The following ADGB variants were observed in gnomAD, a reference collection of about 807,000 sequenced individuals.
ADGB encodes androglobin, also known as calpain-7-like protein.
ADGB carries 172 observed loss-of-function variants against 210.5 expected under a neutral mutation model. That is an observed-to-expected ratio of 0.82 (90% confidence interval 0.72 to 0.93). The LOEUF (loss-of-function observed/expected upper bound fraction) is 0.93. Ranked by LOEUF, ADGB falls within the 40% of genes least tolerant of loss-of-function variation. ADGB has a pLI of 0.00. For missense variants in ADGB, 2,025 were observed against 1,964.8 expected (o/e 1.03, Z -0.58); for synonymous variants, 658 against 662.7 (o/e 0.99, Z 0.11).
intron 20 of ADGB, among the ~76,000 whole-genome samples, chr6:146,730,007 A>G (rs1456391767): frequency 6.6e-6 from 1 of 152,220 alleles, no homozygotes; most frequent in East Asian, 1.9e-4. Flanking sequence ...AGGGAGGGGT[A>G]GCATTGCCAG....
intron 6 of ADGB, among the ~76,000 whole-genome samples, chr6:146,665,460 A>T (rs1775925866): frequency 6.6e-6 from 1 of 152,042 alleles, no homozygotes; most frequent in Non-Finnish European, 1.5e-5. Context: ...AGCACTAAGT[A>T]TTCATACCGG....
chr6:146,694,469 T>G (rs1329152828), intron 12 of ADGB, among the ~76,000 whole-genome samples: 1 of 152,118 alleles, frequency 6.6e-6, no homozygotes. Context: ...AGGCCTCACC[T>G]CTTAATACCA....
intron 12 of ADGB, among the ~76,000 whole-genome samples, chr6:146,694,280 T>C (rs956937879): frequency 1.1e-4 from 16 of 152,160 alleles, no homozygotes; most frequent in African/African-American, 3.6e-4. Flanking sequence ...CTCATACTTC[T>C]AGAGGCTGGG....
chr6:146,652,394 G>T (rs986580514), intron 3 of ADGB, among the ~76,000 whole-genome samples: 2 of 152,092 alleles, frequency 1.3e-5, no homozygotes, highest in Non-Finnish European at 2.9e-5. Context: ...AGCCTTTAAG[G>T]TAGTTTTAGG....
intron 19 of ADGB, among the ~76,000 whole-genome samples, 195 bp from the exon 20 acceptor site, chr6:146,728,379 C>T (rs1287148950): frequency 6.6e-6 from 1 of 152,268 alleles, no homozygotes; most frequent in East Asian, 1.9e-4. Context: ...CTACAGGTTC[C>T]CACTCAGGTA....
chr6:146,709,941 T>C (rs1776636042), intron 13 of ADGB, among the ~76,000 whole-genome samples: 1 of 152,122 alleles, frequency 6.6e-6, no homozygotes, highest in African/African-American at 2.4e-5. Flanking sequence ...ATTTTTCAAA[T>C]TGATGTTTTT....
intron 28 of ADGB, among the ~76,000 whole-genome samples, 159 bp from the exon 29 acceptor site, chr6:146,768,861 C>G (rs941426949): frequency 6.6e-6 from 1 of 152,060 alleles, no homozygotes; most frequent in African/African-American, 2.4e-5. Context: ...TAAAGTGTAG[C>G]GTTACAGAGT....
intron 1 of ADGB, among the ~76,000 whole-genome samples, chr6:146,612,463 G>C (rs1780725686): frequency 6.6e-6 from 1 of 152,078 alleles, no homozygotes; most frequent in Non-Finnish European, 1.5e-5. Flanking sequence ...CTTAACTCCA[G>C]AGATCAGTCA....
intron 1 of ADGB, among the ~76,000 whole-genome samples, chr6:146,607,898 G>A (rs1562253663): frequency 2.0e-5 from 3 of 152,114 alleles, no homozygotes; most frequent in African/African-American, 7.2e-5. Flanking sequence ...TTTGGTATCA[G>A]AATGATGCTG....
chr6:146,696,915 T>C (rs1776412421), intron 12 of ADGB, among the ~76,000 whole-genome samples: 1 of 152,196 alleles, frequency 6.6e-6, no homozygotes, highest in Non-Finnish European at 1.5e-5. Context: ...CAGATTTGGC[T>C]ACTGTTTTAG....
At chr6:146,789,370 A>C (rs979776048) in intron 33 of ADGB, among the ~76,000 whole-genome samples, 1 of 152,182 alleles carries the variant, frequency 6.6e-6, no homozygotes, top group Non-Finnish European at 1.5e-5. Context: ...AACCTGGATC[A>C]ATAGTATAAT....
At chr6:146,785,559 G>A (rs1386526589) in intron 31 of ADGB, 51 bp from the exon 32 acceptor site, 15 of 1,421,570 alleles carry the variant, frequency 1.1e-5, no homozygotes, top group African/African-American at 1.4e-5. Context: ...TACCTGTACT[G>A]GTTGTTGCTT....
chr6:146,703,163 C>A (rs1445836884), intron 13 of ADGB, among the ~76,000 whole-genome samples: 3 of 151,626 alleles, frequency 2.0e-5, no homozygotes, highest in Non-Finnish European at 4.4e-5. Context: ...CATAGATGTT[C>A]TTTGTGAAAT....
At position 146,623,625 on chromosome 6, in the gene ADGB, T is replaced by A. The variant is rs545343559; in HGVS notation, c.75-11750T>A. Among the ~76,000 whole-genome samples, 9 of 152,042 alleles carry A rather than the reference T, an allele frequency of 5.9e-5. No individual in the cohort carries two copies. The East Asian group carries it at 1.2e-3, about 20-fold the overall frequency. ...TAGATTTTCTACATAGTTACAATCA[T>A]GTCATCTGCAAATGAGAATGTATAT... On this transcript the variant is annotated intron_variant, in intron 1 of 35. Transcript: ENST00000397944.
chr6:146,607,573 GC>G (rs1341391853), intron 1 of ADGB, among the ~76,000 whole-genome samples: 1 of 151,920 alleles, frequency 6.6e-6, no homozygotes, highest in Admixed American at 6.6e-5. Flanking sequence ...TTCCTTAAAT[GC>G]CTAGTTTGTT....
At chr6:146,746,426 T>G (rs73583010) in intron 26 of ADGB, among the ~76,000 whole-genome samples, 9,465 of 152,118 alleles carry the variant, frequency 0.062, 993 homozygotes, top group African/African-American at 0.21. Context: ...TTTGTGGGGG[T>G]TTAATCAACC....
At chr6:146,646,849 G>A (rs904456006) in intron 3 of ADGB, among the ~76,000 whole-genome samples, 2 of 152,104 alleles carry the variant, frequency 1.3e-5, no homozygotes, top group African/African-American at 2.4e-5. Flanking sequence ...AGCACTTTGA[G>A]AGGCTGTGGC....
Position 146,656,946 on chromosome 6 carries a change from G to C in ADGB, c.578G>C (p.Ser193Thr), listed in dbSNP as rs1036619429. The C allele has an allele frequency of 3.2e-6, 5 of 1,551,386 alleles. No individual in the cohort carries two copies. In the Admixed American group the frequency reaches 9.8e-5, roughly 30 times the overall value. ...AAGGGTCATATGCCTTTGTTCAATA[G>C]CTATGGAAAGTATGTTGTGAAACTT... ...AVKGHMPLFN[S>T]YGKYVVKLYW... is the part of the protein sequence containing the mutation. Residue 193 changes from serine (S) to threonine (T), a missense_variant, in exon 5 of 36, where the codon AGC becomes ACC. Coordinates refer to ENST00000397944, the MANE Select transcript of ADGB (RefSeq NM_024694.4).
chr6:146,788,412 A>G lies in ADGB; in HGVS notation c.4339A>G (p.Lys1447Glu). Residue 1447 changes from lysine to glutamate, a missense_variant, in exon 33 of 36, where the codon AAA (lysine) becomes GAA (glutamate). By Grantham distance (56) the Lys-to-Glu change is moderately conservative (BLOSUM62 1). Transcript: ENST00000397944. ...EEVETAARGVKEPNSKNSAGS... is the reference protein window; with the variant it reads ...EEVETAARGVEEPNSKNSAGS... ...AGTAGAAACAGCTGCACGTGGCGTA[A>G]AAGAACCAAACTCAAAGAATTCTGC... 1 of 1,551,608 alleles carries G rather than the reference A, an allele frequency of 6.4e-7. No individual in the cohort carries two copies. Among genetic ancestry groups the G allele is most frequent in the Non-Finnish European group, 8.7e-7 (1 of 1,146,910 alleles).
Sources: gnomAD v4.1 joint callset for allele counts (sites outside exome capture counted in the v4.1 genomes callset) on GRCh38, gnomAD v4.1.1 for gene constraint, MANE v1.5 for transcripts, NCBI Gene and HGNC (gene_info 2026-07-23, HGNC 2026-07-21) for gene names.